REV3L: variants seen among roughly 807,000 people sequenced by gnomAD.
The protein encoded by REV3L is REV3 like, DNA directed polymerase zeta catalytic subunit.
A neutral mutation model predicts 299.4 loss-of-function variants in REV3L; 69 were observed. The observed-to-expected ratio is 0.23, with a 90% CI of 0.19 to 0.28. The LOEUF is 0.28. REV3L is among the 10% of genes least tolerant of loss of function. REV3L has a pLI of 1.00. For synonymous variants in REV3L, 1,238 were observed against 1,271.4 expected, an observed-to-expected ratio of 0.97 and a Z score of 0.56; for missense variants, 3,128 against 3,693.8, an observed-to-expected ratio of 0.85 and a Z score of 3.97.
At chr6:111,467,802 T>C (rs1265063843) in intron 1 of REV3L, among the ~76,000 whole-genome samples, 2 of 152,144 alleles carry the variant, frequency 1.3e-5, no homozygotes, top group African/African-American at 4.8e-5. Context: ...CAGGGATTCC[T>C]GCAACGAATC....
At chr6:111,381,491 C>T (rs748121068) in intron 9 of REV3L, 47 bp from the exon 10 acceptor site, 8 of 1,499,604 alleles carry the variant, frequency 5.3e-6, no homozygotes, top group Non-Finnish European at 7.2e-6. Context: ...GGCCTAAATC[C>T]AAAATTTATC....
At chr6:111,421,356 A>C (rs1785325630) in intron 1 of REV3L, among the ~76,000 whole-genome samples, 1 of 152,174 alleles carries the variant, frequency 6.6e-6, no homozygotes, top group Admixed American at 6.5e-5. Context: ...TGGGGGTCTG[A>C]AAACTTTTTC....
intron 1 of REV3L, among the ~76,000 whole-genome samples, chr6:111,463,305 A>T (rs1409168047): frequency 6.6e-6 from 1 of 152,212 alleles, no homozygotes; most frequent in Admixed American, 6.5e-5. Flanking sequence ...CAAGTGAACA[A>T]AGCTAGGAAG....
Position 111,389,103 on chromosome 6 carries a change from T to C in REV3L, c.862+3A>G. ...AATAATCAGAGCACTATTAGGTTTA[T>C]ACCTTGTGACTCAGGTTGGCTCATT... is the stretch of plus-strand genomic sequence containing the variant. On this transcript the variant is annotated splice_donor_region_variant and intron_variant, in intron 7 of 31. Coordinates refer to ENST00000368802, the MANE Select transcript of REV3L (RefSeq NM_001372078.1). 1.9e-6 allele frequency: 3 copies of C among 1,608,118 alleles called. No homozygotes were observed. Among genetic ancestry groups the C allele is most frequent in the Non-Finnish European group, 2.6e-6 (3 of 1,174,640 alleles).
chr6:111,321,360 AT>A (rs1251110263), intron 26 of REV3L, among the ~76,000 whole-genome samples: 1 of 152,248 alleles, frequency 6.6e-6, no homozygotes, highest in Non-Finnish European at 1.5e-5. Flanking sequence ...TGTCAACAAC[AT>A]GGATAGCCCC....
Position 111,375,425 on chromosome 6 carries a change from T to C in REV3L, c.2930A>G (p.Lys977Arg). The C allele has an allele frequency of 6.3e-7, 1 of 1,599,702 alleles. No homozygotes were observed. Among genetic ancestry groups the C allele is most frequent in the Non-Finnish European group, 8.5e-7 (1 of 1,175,604 alleles). ...TCTAAATCTATTAATAATAATATACTTTATGATGACAGGGGGCAGCTTTTT... is the reference window on the plus strand; with the variant it reads ...TCTAAATCTATTAATAATAATATACCTTATGATGACAGGGGGCAGCTTTTT... ...MSKKLPPVII[K>R]YIIINRFRGR... The change falls in exon 13 of 32, where the codon AAG becomes AGG. Residue 977 changes from lysine to arginine, a missense_variant. By Grantham distance (26) the Lys-to-Arg change is conservative. Around this residue, in one of 9 missense-constraint regions of REV3L, gnomAD observed 2,409 missense variants for 2,611.8 expected, o/e 0.92. Transcript: ENST00000368802.
At chr6:111,324,925 A>G (rs1305764102) in intron 25 of REV3L, among the ~76,000 whole-genome samples, 17 of 151,842 alleles carry the variant, frequency 1.1e-4, no homozygotes, top group South Asian at 4.2e-4. Context: ...ACAGTGGCGC[A>G]ATCTCGGCTC....
chr6:111,427,907 T>C (rs779577465), intron 1 of REV3L, among the ~76,000 whole-genome samples: 1 of 150,818 alleles, frequency 6.6e-6, no homozygotes. Flanking sequence ...CAAGTTGGAG[T>C]GGCTGTTCAG....
At chr6:111,331,847 A>G (rs893952891) in intron 23 of REV3L, 63 bp from the exon 24 acceptor site, 183 of 1,078,296 alleles carry the variant, frequency 1.7e-4, no homozygotes, top group Non-Finnish European at 2.4e-4. Flanking sequence ...ATTTTACGCA[A>G]TTTAAAAAAT....
At chr6:111,336,476 C>A (rs1477964416) in intron 21 of REV3L, among the ~76,000 whole-genome samples, 2 of 151,784 alleles carry the variant, frequency 1.3e-5, no homozygotes, top group African/African-American at 2.4e-5. Context: ...CTAGAAAATG[C>A]ATGTGAAGGA....
At chr6:111,324,934 T>C (rs1774591454) in intron 25 of REV3L, among the ~76,000 whole-genome samples, 1 of 151,656 alleles carries the variant, frequency 6.6e-6, no homozygotes, top group Non-Finnish European at 1.5e-5. Flanking sequence ...CAATCTCGGC[T>C]CACTGCAACC....
intron 1 of REV3L, among the ~76,000 whole-genome samples, chr6:111,461,245 A>C (rs1790736793): frequency 6.6e-6 from 1 of 152,064 alleles, no homozygotes; most frequent in Non-Finnish European, 1.5e-5. Context: ...GAAGACAGTG[A>C]TATTTATAGC....
At chr6:111,362,789 A>G (rs572571704) in intron 16 of REV3L, among the ~76,000 whole-genome samples, 20 of 152,330 alleles carry the variant, frequency 1.3e-4, no homozygotes, top group African/African-American at 4.6e-4. Context: ...AGAGTAAAAA[A>G]TAGTATTACA....
In REV3L at chr6:111,333,217, G is replaced by C; in HGVS notation, c.7831C>G (p.Leu2611Val). ...TAAAGTGATTGGAAATCCAAAACGA[G>C]AACAGAGTTGCTATAGAAGCGGGAT... ...PESRFYSNSVLVLDFQSLYPS... is the reference protein window; with the variant it reads ...PESRFYSNSVVVLDFQSLYPS... Residue 2611 changes from leucine (L) to valine (V), a missense_variant, in exon 23 of 32, where the codon CTC (leucine) becomes GTC (valine). Leu to Val is a conservative substitution (Grantham distance 32). Coordinates refer to ENST00000368802, the MANE Select transcript of REV3L (RefSeq NM_001372078.1). 6.2e-7 allele frequency: 1 copy of C among 1,614,134 alleles called. No homozygotes were observed. Among genetic ancestry groups the C allele is most frequent in the Non-Finnish European group, 8.5e-7 (1 of 1,180,022 alleles).
At chr6:111,304,964 A>G (rs1421422052) in intron 31 of REV3L, among the ~76,000 whole-genome samples, 1 of 147,580 alleles carries the variant, frequency 6.8e-6, no homozygotes, top group Non-Finnish European at 1.5e-5. Flanking sequence ...TTTTTGAGAC[A>G]GAGTTTCGCT....
intron 1 of REV3L, among the ~76,000 whole-genome samples, chr6:111,476,810 T>C (rs1792997018): frequency 6.6e-6 from 1 of 152,220 alleles, no homozygotes; most frequent in Non-Finnish European, 1.5e-5. Flanking sequence ...TTCAATATGA[T>C]CATCATGCAA....
At chr6:111,407,227 C>T (rs1783735683) in intron 3 of REV3L, among the ~76,000 whole-genome samples, 1 of 152,074 alleles carries the variant, frequency 6.6e-6, no homozygotes, top group Non-Finnish European at 1.5e-5. Flanking sequence ...TGTTTAGAAG[C>T]TCTAGAGAGA....
At position 111,405,288 on chromosome 6, in the gene REV3L, T is replaced by A. The variant is rs546499230; in HGVS notation, c.565+182A>T. 1.4e-5 allele frequency: 6 copies of A among 435,582 alleles called. No individual in the cohort carries two copies. The South Asian group carries it at 3.3e-4, about 24-fold the overall frequency. 27.0% of individuals were successfully genotyped at this position (435,582 alleles called of 1,614,324 possible). A position where few individuals can be genotyped will look rare whatever the true frequency, so the allele number is the denominator to read the frequency against. ...TCAATAAAGCTGTTACCAAAAAAAA[T>A]TTTTTCTGAGATGCTTTTCCTGACA... On this transcript the variant is annotated intron_variant, in intron 4 of 31. Transcript: ENST00000368802.
chr6:111,422,408 T>C (rs1333664987), intron 1 of REV3L, among the ~76,000 whole-genome samples: 3 of 151,672 alleles, frequency 2.0e-5, no homozygotes, highest in East Asian at 3.9e-4. Context: ...TAGAAAAAGT[T>C]TGCTAACCTC....
Sources: allele counts gnomAD v4.1 joint callset (sites outside exome capture counted in the v4.1 genomes callset), GRCh38; gene constraint gnomAD v4.1.1; regional missense constraint gnomAD v4.1.1; transcripts MANE v1.5; gene names NCBI Gene and HGNC (gene_info 2026-07-23, HGNC 2026-07-21).